ATP13A4: variants seen among roughly 807,000 people sequenced by gnomAD.
ATP13A4 encodes ATPase 13A4.
Under a neutral mutation model 142.5 loss-of-function variants are expected in ATP13A4, and 114 were observed. The observed-to-expected ratio is 0.80, with a 90% confidence interval of 0.69 to 0.93. The LOEUF (loss-of-function observed/expected upper bound fraction) is 0.93. Among genes scored for constraint, ATP13A4 ranks in the 40% least tolerant of loss-of-function variants. The pLI, the probability that ATP13A4 is intolerant of heterozygous loss-of-function variation, is 0.00. For missense variants in ATP13A4, 1,392 were observed against 1,454.0 expected (o/e 0.96, Z 0.69); for synonymous variants, 488 against 514.8 (o/e 0.95, Z 0.70).
chr3:193,414,545 A>G, intron 26 of ATP13A4, 34 bp downstream of exon 26: 1 of 1,607,664 alleles, frequency 6.2e-7, no homozygotes, highest in Non-Finnish European at 8.5e-7. Flanking sequence ...AGAAATTAGA[A>G]TGTGAGAAGC....
chr3:193,413,568 T>C (rs1226393780), intron 26 of ATP13A4, among the ~76,000 whole-genome samples: 1 of 152,130 alleles, frequency 6.6e-6, no homozygotes. Flanking sequence ...GGAATATTAA[T>C]AGTTAATATC....
At chr3:193,519,731 A>G (rs1214779888) in intron 1 of ATP13A4, among the ~76,000 whole-genome samples, 1 of 132,834 alleles carries the variant, frequency 7.5e-6, no homozygotes, top group African/African-American at 2.9e-5. Flanking sequence ...TGCAGCCTCT[A>G]CCTCCTGCGT....
Position 193,531,296 on chromosome 3 carries a change from GAGGAAGGAAGGA to G in ATP13A4, c.61-16437_61-16426del, listed in dbSNP as rs772860170. 5.1e-3 allele frequency among the ~76,000 whole-genome samples: 377 copies of G among 73,980 alleles called. 4 individuals carry two copies. The highest frequency in any genetic ancestry group is 0.018 in the African/African-American group (347 of 18,876). 48.5% of individuals were successfully genotyped at this position (73,980 alleles called of 152,430 possible). On this transcript the variant is annotated intron_variant, in intron 1 of 29. Transcript: ENST00000342695. ...TGAGGGAGGGAGGGAGGGAGGGAGGGAGGAAGGAAGGAAGGAAGGAAGGAAGGAAGGAAGGAA... is the reference window on the plus strand; with the variant it reads ...TGAGGGAGGGAGGGAGGGAGGGAGGGAGGAAGGAAGGAAGGAAGGAAGGAA...
intron 1 of ATP13A4, among the ~76,000 whole-genome samples, chr3:193,586,743 C>A (rs1353095030): frequency 6.6e-6 from 1 of 152,234 alleles, no homozygotes; most frequent in Non-Finnish European, 1.5e-5. Context: ...CAATACCACA[C>A]AGTCTTGATT....
intron 13 of ATP13A4, among the ~76,000 whole-genome samples, chr3:193,462,212 A>T (rs1437738002): frequency 1.4e-5 from 2 of 143,774 alleles, no homozygotes; most frequent in African/African-American, 2.6e-5. Context: ...ACAAGAGTGA[A>T]ACTCCGTCTC....
intron 24 of ATP13A4, 23 bp from the exon 25 acceptor site, chr3:193,433,940 T>A: frequency 6.3e-7 from 1 of 1,591,256 alleles, no homozygotes; most frequent in Non-Finnish European, 8.6e-7. Context: ...AGAAAGCAGA[T>A]CAAAAAAGTT....
chr3:193,404,021 G>T (rs1714373758), intron 29 of ATP13A4: 1 of 985,268 alleles, frequency 1.0e-6, no homozygotes, highest in African/African-American at 1.7e-5. Flanking sequence ...TGTGATAACT[G>T]ACCATCTGCT....
At chr3:193,433,006 G>T (rs149577397) in intron 25 of ATP13A4, among the ~76,000 whole-genome samples, 1 of 152,122 alleles carries the variant, frequency 6.6e-6, no homozygotes, top group African/African-American at 2.4e-5. Context: ...TGTTTCTCAC[G>T]AAATGCTTTC....
chr3:193,428,666 T>C (rs1326785241), intron 25 of ATP13A4, among the ~76,000 whole-genome samples: 2 of 151,596 alleles, frequency 1.3e-5, no homozygotes, highest in Admixed American at 1.3e-4. Flanking sequence ...CTGGAAACCA[T>C]CATTCTCAGC....
chr3:193,406,822 A>C (rs1714522474), intron 29 of ATP13A4, among the ~76,000 whole-genome samples: 1 of 152,186 alleles, frequency 6.6e-6, no homozygotes, highest in Non-Finnish European at 1.5e-5. Flanking sequence ...CAGAAAGTAG[A>C]ATAGTGATTA....
intron 2 of ATP13A4, among the ~76,000 whole-genome samples, chr3:193,569,324 A>G (rs1724208248): frequency 6.6e-6 from 1 of 152,238 alleles, no homozygotes; most frequent in Non-Finnish European, 1.5e-5. Context: ...AAGGTCATCA[A>G]AAACAAAAGA....
chr3:193,412,332 G>A lies in ATP13A4; in HGVS notation c.3054C>T (p.Thr1018=). The A allele has an allele frequency of 6.2e-7, 1 of 1,614,108 alleles. No homozygotes were observed. ...TVQNESISEL[T]MSPTAPEKME... is the part of the protein sequence containing the mutation. ...TTTTTTCTGGAGCAGTTGGAGACAT[G>A]GTTAACTCTGAGATGCTTTCATTTT... Residue 1018 remains threonine (T), a synonymous_variant, in exon 27 of 30, where the codon ACC becomes ACT. Coordinates refer to ENST00000342695, the MANE Select transcript of ATP13A4 (RefSeq NM_032279.4).
chr3:193,519,699 C>A (rs893578510), intron 1 of ATP13A4, among the ~76,000 whole-genome samples: 2 of 128,600 alleles, frequency 1.6e-5, no homozygotes, highest in Non-Finnish European at 3.1e-5. Context: ...GGCTGGAGTG[C>A]AGTGGCGCAA....
chr3:193,430,191 C>T (rs189386470), intron 25 of ATP13A4, among the ~76,000 whole-genome samples: 2 of 152,160 alleles, frequency 1.3e-5, no homozygotes, highest in Admixed American at 1.3e-4. Context: ...AAATTAAACT[C>T]TTCTGTGACA....
intron 1 of ATP13A4, among the ~76,000 whole-genome samples, chr3:193,551,085 C>A: frequency 6.6e-6 from 1 of 152,174 alleles, no homozygotes; most frequent in East Asian, 1.9e-4. Flanking sequence ...AGCTCCTCTC[C>A]ATTTATAAGT....
At chr3:193,554,569 G>C in intron 1 of ATP13A4, 171 bp downstream of exon 1, 2 of 784,866 alleles carry the variant, frequency 2.5e-6, no homozygotes, top group Non-Finnish European at 4.3e-6. Flanking sequence ...ATATTTACAG[G>C]ATAGAGAGAT....
intron 2 of ATP13A4, among the ~76,000 whole-genome samples, chr3:193,572,185 T>C (rs560704103): frequency 2.4e-4 from 37 of 152,134 alleles, no homozygotes; most frequent in African/African-American, 8.9e-4. Flanking sequence ...GAGGCAGAGG[T>C]TGCAGTGAGC....
Position 193,512,244 on chromosome 3 carries a change from T to C in ATP13A4, c.234+2454A>G, listed in dbSNP as rs545033428. Among the ~76,000 whole-genome samples the C allele has an allele frequency of 5.9e-5, 9 of 152,308 alleles. No homozygotes were observed. In the South Asian group the frequency reaches 1.9e-3, roughly 32 times the overall value. ...CAGAAAATAATAATCTGATAGATTC[T>C]TAAGTTCGCGTGGAGGGGTTGATCT... On this transcript the variant is annotated intron_variant, in intron 2 of 29. Coordinates refer to ENST00000342695, the MANE Select transcript of ATP13A4 (RefSeq NM_032279.4).
chr3:193,531,263 T>C (rs1658246204), intron 1 of ATP13A4, among the ~76,000 whole-genome samples: 1 of 99,052 alleles, frequency 1.0e-5, no homozygotes, highest in Non-Finnish European at 2.0e-5. Context: ...CAATAAGGGC[T>C]CAATAAGTGA....
Sources: allele counts gnomAD v4.1 joint callset (sites outside exome capture counted in the v4.1 genomes callset), GRCh38; gene constraint gnomAD v4.1.1; transcripts MANE v1.5; gene names NCBI Gene and HGNC (gene_info 2026-07-23, HGNC 2026-07-21).